EXOC6B: variants seen among roughly 807,000 people sequenced by gnomAD.
EXOC6B encodes SEC15 homolog B.
Under a neutral mutation model 113.5 loss-of-function variants are expected in EXOC6B, and 54 were observed. The observed-to-expected ratio is 0.48, with a 90% CI of 0.38 to 0.60. The LOEUF (loss-of-function observed/expected upper bound fraction) is 0.60. Among genes scored for constraint, EXOC6B ranks in the 20% least tolerant of loss-of-function variants. The probability of loss-of-function intolerance (pLI) is 0.00; values close to 1 mark genes in which losing one functional copy is unlikely to be tolerated. For missense variants in EXOC6B, 797 were observed against 977.5 expected, an observed-to-expected ratio of 0.82 and a Z score of 2.46; for synonymous variants, 357 against 339.0, an observed-to-expected ratio of 1.05 and a Z score of -0.58.
chr2:72,738,467 T>G (rs1335739545), intron 2 of EXOC6B, among the ~76,000 whole-genome samples: 2 of 152,228 alleles, frequency 1.3e-5, no homozygotes, highest in African/African-American at 4.8e-5. Context: ...TTTCAACTTA[T>G]CATTTTCCCA....
intron 18 of EXOC6B, among the ~76,000 whole-genome samples, chr2:72,451,497 T>C (rs1696910237): frequency 1.3e-5 from 2 of 152,148 alleles, no homozygotes; most frequent in South Asian, 4.1e-4. Context: ...AGACGGTAAA[T>C]CATTCAATTG....
At chr2:72,467,532 A>T (rs1698128978) in intron 17 of EXOC6B, among the ~76,000 whole-genome samples, 1 of 152,166 alleles carries the variant, frequency 6.6e-6, no homozygotes, top group African/African-American at 2.4e-5. Flanking sequence ...TAACAGGTGG[A>T]AAGTCATATA....
chr2:72,307,462 G>A (rs1686950347), intron 20 of EXOC6B, among the ~76,000 whole-genome samples: 1 of 152,042 alleles, frequency 6.6e-6, no homozygotes, highest in Non-Finnish European at 1.5e-5. Flanking sequence ...GATCCATATG[G>A]TTCTAGATCA....
rs80110114 is a variant in EXOC6B, at chr2:72,390,890, C to A, written c.1981-11020G>T. 1.7e-3 allele frequency among the ~76,000 whole-genome samples: 266 copies of A among 152,266 alleles called. 6 individuals are homozygous for A. In the East Asian group the frequency reaches 0.047, roughly 27 times the overall value. On this transcript the variant is annotated intron_variant, in intron 18 of 21. Coordinates refer to ENST00000272427, the MANE Select transcript of EXOC6B (RefSeq NM_015189.3). Reference sequence around the variant, plus strand: ...TGTTTGTCTGACCTCATGGACTTTTCGCCCTATACATTAATAGCTTAGTAT... The same window carrying A: ...TGTTTGTCTGACCTCATGGACTTTTAGCCCTATACATTAATAGCTTAGTAT...
intron 6 of EXOC6B, among the ~76,000 whole-genome samples, chr2:72,586,463 G>T (rs527454613): frequency 6.6e-6 from 1 of 152,070 alleles, no homozygotes; most frequent in Non-Finnish European, 1.5e-5. Context: ...AAGACACACC[G>T]CAAACTTGGC....
intron 20 of EXOC6B, among the ~76,000 whole-genome samples, chr2:72,271,848 A>G (rs1684506384): frequency 2.1e-5 from 3 of 144,464 alleles, no homozygotes; most frequent in Non-Finnish European, 4.5e-5. Context: ...ATGCTCAAGG[A>G]AAAAAAAAAT....
chr2:72,710,759 A>G (rs1233718510), intron 6 of EXOC6B, among the ~76,000 whole-genome samples: 1 of 152,208 alleles, frequency 6.6e-6, no homozygotes, highest in Non-Finnish European at 1.5e-5. Context: ...TGTAGTGAAG[A>G]CTTAACCACA....
intron 6 of EXOC6B, among the ~76,000 whole-genome samples, chr2:72,629,266 C>T (rs1672244646): frequency 6.6e-6 from 1 of 152,192 alleles, no homozygotes. Flanking sequence ...CATCCAGAAA[C>T]TAGAGCAGTA....
intron 6 of EXOC6B, among the ~76,000 whole-genome samples, chr2:72,716,956 T>C (rs1679660304): frequency 6.6e-6 from 1 of 152,170 alleles, no homozygotes; most frequent in Admixed American, 6.6e-5. Flanking sequence ...TAAAGACTTA[T>C]CTTAGAAGAT....
At chr2:72,516,238 CTACTTT>C (rs1260902627) in intron 8 of EXOC6B, among the ~76,000 whole-genome samples, 2 of 152,046 alleles carry the variant, frequency 1.3e-5, no homozygotes, top group Non-Finnish European at 2.9e-5. Context: ...CTGAATTCTT[CTACTTT>C]TATTTTTACT....
chr2:72,280,193 C>A (rs1229057085), intron 20 of EXOC6B, among the ~76,000 whole-genome samples: 4 of 151,688 alleles, frequency 2.6e-5, no homozygotes, highest in Admixed American at 1.3e-4. Flanking sequence ...ACTTTTATTT[C>A]TCTGTTTCAT....
At chr2:72,195,794 T>C (rs1183757614) in intron 20 of EXOC6B, among the ~76,000 whole-genome samples, 1 of 152,196 alleles carries the variant, frequency 6.6e-6, no homozygotes, top group Admixed American at 6.5e-5. Flanking sequence ...GCTAATCAGA[T>C]TTGATAAGTC....
intron 18 of EXOC6B, among the ~76,000 whole-genome samples, chr2:72,401,825 T>C (rs1693354579): frequency 6.8e-6 from 1 of 148,072 alleles, no homozygotes; most frequent in African/African-American, 2.5e-5. Flanking sequence ...ATAGCATAAA[T>C]ACAAAAAATT....
intron 7 of EXOC6B, among the ~76,000 whole-genome samples, chr2:72,560,500 T>C (rs1703830422): frequency 6.6e-6 from 1 of 152,068 alleles, no homozygotes; most frequent in Non-Finnish European, 1.5e-5. Flanking sequence ...ACAAGGTCAT[T>C]TTCCCTTATT....
chr2:72,219,175 C>A (rs373047775), intron 20 of EXOC6B, among the ~76,000 whole-genome samples: 1 of 151,978 alleles, frequency 6.6e-6, no homozygotes, highest in African/African-American at 2.4e-5. Context: ...AAGGGAACAT[C>A]GATTGCAATC....
intron 19 of EXOC6B, among the ~76,000 whole-genome samples, chr2:72,341,343 G>A (rs1192629261): frequency 1.3e-5 from 2 of 152,028 alleles, no homozygotes; most frequent in African/African-American, 4.8e-5. Context: ...GTCTGACAAA[G>A]GACTAGTATC....
intron 16 of EXOC6B, among the ~76,000 whole-genome samples, chr2:72,489,327 T>C (rs1022877091): frequency 6.6e-5 from 10 of 152,202 alleles, no homozygotes; most frequent in South Asian, 2.1e-4. Context: ...CTTAAGGGCA[T>C]GGAATCAGTG....
chr2:72,718,831 G>C (rs1306252289), intron 5 of EXOC6B, among the ~76,000 whole-genome samples: 1 of 152,186 alleles, frequency 6.6e-6, no homozygotes, highest in Non-Finnish European at 1.5e-5. Context: ...AGAGGACGAA[G>C]TGAGACTCAA....
intron 20 of EXOC6B, among the ~76,000 whole-genome samples, chr2:72,229,453 A>G (rs1056102139): frequency 1.3e-5 from 2 of 152,184 alleles, no homozygotes; most frequent in East Asian, 1.9e-4. Context: ...TTATGACAAC[A>G]GGACAAGTTT....
Sources: gnomAD v4.1 joint callset for allele counts (sites outside exome capture counted in the v4.1 genomes callset) on GRCh38, gnomAD v4.1.1 for gene constraint, MANE v1.5 for transcripts, NCBI Gene and HGNC (gene_info 2026-07-23, HGNC 2026-07-21) for gene names.